OTUD5: variants seen among roughly 807,000 people sequenced by gnomAD.
OTUD5 encodes OTU deubiquitinase 5.
In OTUD5, 2 loss-of-function variants were observed where a neutral mutation model predicts 36.3. That is an observed-to-expected ratio of 0.06 (90% CI 0.02 to 0.17). OTUD5 has a LOEUF of 0.17. Among genes scored for constraint, OTUD5 ranks in the 10% least tolerant of loss-of-function variants. The pLI is 1.00. For synonymous variants in OTUD5, 234 were observed against 214.9 expected, an observed-to-expected ratio of 1.09 and a Z score of -0.78; for missense variants, 233 against 512.3, an observed-to-expected ratio of 0.45 and a Z score of 5.26.
intron 2 of OTUD5, among the ~76,000 whole-genome samples, chrX:48,939,075 T>C (rs782815014): frequency 9.0e-6 from 1 of 111,669 alleles, no homozygotes; most frequent in South Asian, 3.7e-4. Flanking sequence ...ACTCATTCTA[T>C]CCTTACCAAA....
chrX:48,956,820 G>A (rs782588584), intron 1 of OTUD5, among the ~76,000 whole-genome samples, 157 bp downstream of exon 1: 1 of 111,309 alleles, frequency 9.0e-6, no homozygotes, highest in South Asian at 3.9e-4. Context: ...GGGGAGGAAA[G>A]AAGGTGTCTC....
chrX:48,958,111 G>A (rs2064290652), upstream of OTUD5: 1 of 113,426 alleles, frequency 8.8e-6, no homozygotes, highest in Non-Finnish European at 1.9e-5. Context: ...CCAATCACAG[G>A]CGAGTGCTCG....
At chrX:48,952,400 G>A (rs781895680) in intron 1 of OTUD5, among the ~76,000 whole-genome samples, 3 of 112,237 alleles carry the variant, frequency 2.7e-5, no homozygotes, top group Non-Finnish European at 5.6e-5. Flanking sequence ...TGTGATGGAC[G>A]CACAAATCTG....
At position 48,957,344 on chromosome X, in the gene OTUD5, C is replaced by T; in HGVS notation, c.227G>A (p.Gly76Asp). 1 of 1,130,571 alleles carries T rather than the reference C, an allele frequency of 8.8e-7. No homozygotes were observed. Among genetic ancestry groups the T allele is most frequent in the Non-Finnish European group, 1.2e-6 (1 of 863,907 alleles). 93.2% of individuals were successfully genotyped at this position (1,130,571 alleles called of 1,213,427 possible). The change falls in exon 1 of 9, where the codon GGC (glycine) becomes GAC (aspartate). Residue 76 changes from glycine (G) to aspartate (D), a missense_variant. Gly to Asp is a moderately conservative substitution (Grantham distance 94). This residue lies in a region of OTUD5 where 155 missense variants were observed against 217.2 expected (regional missense o/e 0.71). Coordinates refer to ENST00000376488, the MANE Select transcript of OTUD5 (RefSeq NM_001136157.2). Reference sequence around the variant, plus strand: ...GGCCAGCGCCCAGCGATGAAGAGCGCCCGGCGGTCCTGGTAGCGGGCCTTG... The same window carrying T: ...GGCCAGCGCCCAGCGATGAAGAGCGTCCGGCGGTCCTGGTAGCGGGCCTTG... The part of the protein sequence containing the change: ...PPQGPLPGPP[G>D]ALHRWALAVP...
intron 1 of OTUD5, among the ~76,000 whole-genome samples, chrX:48,947,927 G>A (rs1426415515): frequency 8.9e-6 from 1 of 111,870 alleles, no homozygotes; most frequent in Non-Finnish European, 1.9e-5. Context: ...GGTAAGCAGG[G>A]AGGACCAGGA....
chrX:48,932,849 G>A (rs2063776934), intron 5 of OTUD5, among the ~76,000 whole-genome samples: 1 of 110,021 alleles, frequency 9.1e-6, no homozygotes, highest in South Asian at 3.8e-4. Flanking sequence ...GCATGGTGGC[G>A]AGCACCTGTA....
chrX:48,953,222 C>T (rs1209520159), intron 1 of OTUD5, among the ~76,000 whole-genome samples: 1 of 111,637 alleles, frequency 9.0e-6, no homozygotes, highest in African/African-American at 3.3e-5. Flanking sequence ...GGCCTCCTGA[C>T]AGGAAATCCC....
chrX:48,935,938 CAAAAAAA>C (rs3030315), intron 2 of OTUD5, among the ~76,000 whole-genome samples: 2 of 37,101 alleles, frequency 5.4e-5, no homozygotes, highest in Non-Finnish European at 9.9e-5. Context: ...GACTCTGTCT[CAAAAAAA>C]AAAAAAAAAA....
intron 2 of OTUD5, among the ~76,000 whole-genome samples, 163 bp from the exon 3 acceptor site, chrX:48,935,181 T>C (rs1161898731): frequency 9.0e-6 from 1 of 111,643 alleles, no homozygotes. Context: ...AACGGGGTCA[T>C]GGAAAAATAT....
chrX:48,926,680 C>T (rs923086134), intron 5 of OTUD5, among the ~76,000 whole-genome samples: 1 of 111,820 alleles, frequency 8.9e-6, no homozygotes, highest in African/African-American at 3.3e-5. Flanking sequence ...GAAGCCCCAT[C>T]CAGTGATGAC....
At position 48,941,161 on chromosome X, in the gene OTUD5, G is replaced by A. The variant is rs11795762; in HGVS notation, c.688+3029C>T. On this transcript the variant is annotated intron_variant, in intron 2 of 8. Coordinates refer to ENST00000376488, the MANE Select transcript of OTUD5 (RefSeq NM_001136157.2). ...AAAAGAATGTGTCCTGGCCGGATGC[G>A]GTGGCTCATGCCTATAATCCCAACA... 7.9e-3 allele frequency among the ~76,000 whole-genome samples: 873 copies of A among 111,016 alleles called. 7 individuals are homozygous for A. Among genetic ancestry groups the A allele is most frequent in the Middle Eastern group, 0.046 (10 of 218 alleles).
chrX:48,923,876 G>A lies in OTUD5; in HGVS notation c.1440C>T (p.Ala480=), dbSNP rs371543364. ...PPSPGTVLAL[A]KPPSPCAPGT... ...CTGGCGCACAGGGCGAAGGAGGTTT[G>A]GCAAGAGCTAAAACAGTGCCTGGGG... The change falls in exon 7 of 9, where the codon GCC becomes GCT. Residue 480 remains alanine, a synonymous_variant. Coordinates refer to ENST00000376488, the MANE Select transcript of OTUD5 (RefSeq NM_001136157.2). 2.5e-6 allele frequency: 3 copies of A among 1,210,596 alleles called. No individual in the cohort carries two copies. In the African/African-American group the frequency reaches 5.2e-5, roughly 21 times the overall value.
chrX:48,943,624 A>T (rs918334165), intron 2 of OTUD5, among the ~76,000 whole-genome samples: 17 of 111,424 alleles, frequency 1.5e-4, no homozygotes, highest in African/African-American at 5.2e-4. Context: ...TGATATAAGA[A>T]ATTTGTAAAG....
Position 48,922,850 on chromosome X carries a change from C to T in OTUD5, c.*324G>A, listed in dbSNP as rs1557046578. 6 of 843,097 alleles carry T rather than the reference C, an allele frequency of 7.1e-6. No homozygotes were observed. The highest frequency in any genetic ancestry group is 8.6e-6 in the Non-Finnish European group (6 of 694,786). 69.5% of individuals were successfully genotyped at this position (843,097 alleles called of 1,213,427 possible). ...GTCTCTCTCCTCTGGGGCTGCCTGG[C>T]TGCCAGTTGGTCTGTCTCTGTGTGC... On this transcript the variant is annotated 3_prime_UTR_variant, in exon 9 of 9. Coordinates refer to ENST00000376488, the MANE Select transcript of OTUD5 (RefSeq NM_001136157.2).
chrX:48,947,576 G>A lies in OTUD5; in HGVS notation c.595-3293C>T, dbSNP rs782202507. On this transcript the variant is annotated intron_variant, in intron 1 of 8. Transcript: ENST00000376488. ...AAATTAGCCAGGTGTGGTGGTGCAT[G>A]CCTGTAATCCCAGCTACTCGGGAGG... 2.7e-5 allele frequency among the ~76,000 whole-genome samples: 3 copies of A among 109,169 alleles called. No homozygotes were observed. The South Asian group carries it at 1.2e-3, about 44-fold the overall frequency. The allele number at this position is 109,169 out of a possible 115,157, so 94.8% of individuals were successfully genotyped here.
intron 6 of OTUD5, among the ~76,000 whole-genome samples, chrX:48,924,555 C>CT (rs2063634067): frequency 8.9e-6 from 1 of 112,113 alleles, no homozygotes; most frequent in Admixed American, 9.5e-5. Flanking sequence ...CCACAAGCCC[C>CT]TACCCAATTG....
chrX:48,949,389 A>T (rs896201035), intron 1 of OTUD5, among the ~76,000 whole-genome samples: 3 of 111,850 alleles, frequency 2.7e-5, no homozygotes, highest in Non-Finnish European at 5.6e-5. Context: ...TCTCTACAAA[A>T]AATACAGGCC....
At chrX:48,941,507 C>A (rs1280539881) in intron 2 of OTUD5, among the ~76,000 whole-genome samples, 1 of 106,240 alleles carries the variant, frequency 9.4e-6, no homozygotes, top group Non-Finnish European at 1.9e-5. Context: ...GGTTCCCAGG[C>A]CAGCTCTGGC....
At chrX:48,930,629 T>C (rs887208257) in intron 5 of OTUD5, among the ~76,000 whole-genome samples, 3 of 111,836 alleles carry the variant, frequency 2.7e-5, no homozygotes, top group African/African-American at 9.8e-5. Flanking sequence ...TGATTTCTGT[T>C]AACAGTCTCC....
Sources: allele counts gnomAD v4.1 joint callset (sites outside exome capture counted in the v4.1 genomes callset), GRCh38; gene constraint gnomAD v4.1.1; regional missense constraint gnomAD v4.1.1; transcripts MANE v1.5; gene names NCBI Gene and HGNC (gene_info 2026-07-23, HGNC 2026-07-21).